The following DDX47 variants were observed in gnomAD, a reference collection of about 807,000 sequenced individuals.
The protein encoded by DDX47 is probable ATP-dependent RNA helicase DDX47.
A neutral mutation model predicts 58.8 loss-of-function variants in DDX47; 60 were observed. That is an observed-to-expected ratio of 1.02 (90% confidence interval 0.83 to 1.26). The LOEUF (loss-of-function observed/expected upper bound fraction) is 1.26, where lower values mean the gene tolerates loss of function less well. Among genes scored for constraint, DDX47 ranks in the 50% most tolerant of loss-of-function variants. DDX47 has a pLI of 0.00. For synonymous variants in DDX47, 197 were observed against 204.6 expected, an observed-to-expected ratio of 0.96 and a Z score of 0.32; for missense variants, 530 against 573.2, an observed-to-expected ratio of 0.92 and a Z score of 0.77.
chr12:12,825,790 AG>A (rs1439741037), intron 9 of DDX47, among the ~76,000 whole-genome samples: 1 of 152,228 alleles, frequency 6.6e-6, no homozygotes, highest in Non-Finnish European at 1.5e-5. Context: ...CTGTGAAAGA[AG>A]GGAAAGCATT....
intron 11 of DDX47, 104 bp from the exon 12 acceptor site, chr12:12,829,319 C>A: frequency 1.6e-6 from 2 of 1,287,580 alleles, no homozygotes; most frequent in Non-Finnish European, 2.1e-6. Flanking sequence ...TGTCAGGCAT[C>A]AGCAAGTTAC....
At chr12:12,821,507 G>T (rs1862972635) in intron 3 of DDX47, 111 bp downstream of exon 3, 1 of 1,445,502 alleles carries the variant, frequency 6.9e-7, no homozygotes, top group African/African-American at 1.4e-5. Context: ...GACCTAAAGA[G>T]CTAATGTTGT....
At chr12:12,818,530 A>G (rs1017210687) in intron 2 of DDX47, among the ~76,000 whole-genome samples, 2 of 152,130 alleles carry the variant, frequency 1.3e-5, no homozygotes, top group African/African-American at 2.4e-5. Flanking sequence ...AAAAAAAAAA[A>G]AAATCAGTCC....
chr12:12,825,707 C>T (rs1044557533), intron 9 of DDX47, among the ~76,000 whole-genome samples: 2 of 152,116 alleles, frequency 1.3e-5, no homozygotes, highest in African/African-American at 2.4e-5. Flanking sequence ...AGCTCTGCCT[C>T]GAGATCCAGT....
intron 1 of DDX47, 129 bp from the exon 2 acceptor site, chr12:12,814,002 T>G: frequency 7.1e-6 from 5 of 705,098 alleles, no homozygotes; most frequent in Middle Eastern, 2.4e-4. Context: ...GAGTAGGCTC[T>G]GAGATGCACA....
intron 2 of DDX47, among the ~76,000 whole-genome samples, chr12:12,815,736 G>A (rs534190534): frequency 6.6e-6 from 1 of 152,216 alleles, no homozygotes; most frequent in East Asian, 1.9e-4. Context: ...TTAGCAGAGT[G>A]GTGAAAAAGT....
chr12:12,828,903 T>C (rs1222127752), intron 11 of DDX47, among the ~76,000 whole-genome samples: 5 of 152,260 alleles, frequency 3.3e-5, no homozygotes, highest in Admixed American at 6.5e-5. Flanking sequence ...AATTCCATCA[T>C]GTGTATGAAA....
At chr12:12,818,470 G>A (rs1192184109) in intron 2 of DDX47, among the ~76,000 whole-genome samples, 3 of 151,746 alleles carry the variant, frequency 2.0e-5, no homozygotes, top group African/African-American at 2.4e-5. Flanking sequence ...GCAGTGAGCC[G>A]AGATCTCGCC....
At chr12:12,824,101 A>T in intron 8 of DDX47, 85 bp downstream of exon 8, 4 of 1,455,470 alleles carry the variant, frequency 2.7e-6, no homozygotes, top group Non-Finnish European at 3.7e-6. Flanking sequence ...CAATAAGGCC[A>T]TAGGGCACCG....
In DDX47 at chr12:12,829,478, A is replaced by T; in HGVS notation, c.1292A>T (p.Asn431Ile). The change falls in exon 12 of 12, where the codon AAT becomes ATT. Residue 431 changes from asparagine (N) to isoleucine (I), a missense_variant. Coordinates refer to ENST00000358007, the MANE Select transcript of DDX47 (RefSeq NM_016355.4). ...CGCTCGCGAGAGGATGCTGGAGATAATGATGACACAGAGGGTGCTATTGGT... is the reference window on the plus strand; with the variant it reads ...CGCTCGCGAGAGGATGCTGGAGATATTGATGACACAGAGGGTGCTATTGGT... ...KKRSREDAGD[N>I]DDTEGAIGVR... The T allele has an allele frequency of 6.2e-7, 1 of 1,614,042 alleles. No homozygotes were observed. Among genetic ancestry groups the T allele is most frequent in the Non-Finnish European group, 8.5e-7 (1 of 1,179,954 alleles).
chr12:12,822,129 C>G, intron 5 of DDX47, 46 bp downstream of exon 5: 1 of 1,426,788 alleles, frequency 7.0e-7, no homozygotes, highest in East Asian at 2.3e-5. Context: ...CTCAAGGTTC[C>G]TGTTTCAAAA....
At chr12:12,813,675 T>G (rs1244462222) in intron 1 of DDX47, among the ~76,000 whole-genome samples, 1 of 152,176 alleles carries the variant, frequency 6.6e-6, no homozygotes, top group Non-Finnish European at 1.5e-5. Context: ...ATTCGCCACT[T>G]TAGTGTGGCA....
chr12:12,827,176 A>G (rs1263020965), intron 10 of DDX47, 70 bp from the exon 11 acceptor site: 7 of 1,559,172 alleles, frequency 4.5e-6, no homozygotes, highest in African/African-American at 1.4e-5. Context: ...GTATCATATA[A>G]TAATAGTTTG....
At chr12:12,818,198 G>GACAA (rs1862924295) in intron 2 of DDX47, among the ~76,000 whole-genome samples, 2 of 152,108 alleles carry the variant, frequency 1.3e-5, no homozygotes, top group Admixed American at 1.3e-4. Flanking sequence ...TTTTATCCCT[G>GACAA]GATTGTCATT....
At chr12:12,816,953 G>T (rs1408326119) in intron 2 of DDX47, among the ~76,000 whole-genome samples, 1 of 152,170 alleles carries the variant, frequency 6.6e-6, no homozygotes, top group Admixed American at 6.5e-5. Context: ...TAAATTTGAT[G>T]CAGAAAAGAA....
intron 10 of DDX47, 172 bp downstream of exon 10, chr12:12,826,242 G>A (rs1251866453): frequency 2.1e-6 from 1 of 482,114 alleles, no homozygotes; most frequent in African/African-American, 2.0e-5. Context: ...GGGTTTTGGT[G>A]AAAATTGGAG....
chr12:12,814,532 G>T, intron 2 of DDX47: 2 of 291,842 alleles, frequency 6.9e-6, no homozygotes, highest in South Asian at 7.4e-5. Context: ...AGGGAAGGAT[G>T]CCTGGAACAC....
Position 12,827,370 on chromosome 12 carries a change from C to G in DDX47, c.1231C>G (p.Arg411Gly), listed in dbSNP as rs201442242. ...CGTCGCTGAAGCCCAAAGGTTTGCCCGAATGGTATGCATCTTTCTTTTCTC... is the reference window on the plus strand; with the variant it reads ...CGTCGCTGAAGCCCAAAGGTTTGCCGGAATGGTATGCATCTTTCTTTTCTC... Reference protein sequence around the residue: ...ERVAEAQRFARMELREHGEKK... With the variant: ...ERVAEAQRFAGMELREHGEKK... Residue 411 changes from arginine (R) to glycine (G), a missense_variant, in exon 11 of 12, where the codon CGA becomes GGA. Arg to Gly is a moderately radical substitution (Grantham distance 125, BLOSUM62 -2). Coordinates refer to ENST00000358007, the MANE Select transcript of DDX47 (RefSeq NM_016355.4). 6.2e-7 allele frequency: 1 copy of G among 1,613,986 alleles called. No homozygotes were observed. Among genetic ancestry groups the G allele is most frequent in the East Asian group, 2.2e-5 (1 of 44,880 alleles).
intron 5 of DDX47, 140 bp downstream of exon 5, chr12:12,822,223 C>T (rs1027017759): frequency 3.3e-6 from 2 of 613,784 alleles, no homozygotes; most frequent in Admixed American, 6.0e-5. Flanking sequence ...TGCAGTTTCT[C>T]AGCACCCTTT....
Sources: gnomAD v4.1 joint callset for allele counts (sites outside exome capture counted in the v4.1 genomes callset) on GRCh38, gnomAD v4.1.1 for gene constraint, MANE v1.5 for transcripts, NCBI Gene and HGNC (gene_info 2026-07-23, HGNC 2026-07-21) for gene names.